TIGD3: variants seen among roughly 807,000 people sequenced by gnomAD.
TIGD3 encodes the protein tigger transposable element derived 3.
Under a neutral mutation model 14.8 loss-of-function variants are expected in TIGD3, and 7 were observed. The observed-to-expected ratio is 0.47, with a 90% CI of 0.27 to 0.89. The LOEUF (loss-of-function observed/expected upper bound fraction) is 0.89, where lower values mean the gene tolerates loss of function less well. TIGD3 is among the 40% of genes least tolerant of loss of function. TIGD3 has a pLI of 0.13. For synonymous variants in TIGD3, 243 were observed against 269.4 expected (o/e 0.90, Z 0.96); for missense variants, 581 against 611.0 (o/e 0.95, Z 0.52).
At position 65,356,128 on chromosome 11, in the gene TIGD3, AG is replaced by A; in HGVS notation, c.322del (p.Glu108SerfsTer57). On this transcript the variant is annotated frameshift_variant, in exon 2 of 2. Transcript: ENST00000309880. LOFTEE classifies it high-confidence loss of function. This position sits in a 1 kb window ranked among gnomAD's most constrained non-coding sequence, Gnocchi z 5.2. Reference protein sequence around the residue: ...VTGPMLLHKAKELADIMGQDF... With the variant: ...VTGPMLLHKAXELADIMGQDF... ...GGGCCCATGCTGCTCCACAAAGCCAAGGAGCTGGCCGATATCATGGGCCAGG... is the reference window on the plus strand; with the variant it reads ...GGGCCCATGCTGCTCCACAAAGCCAAGAGCTGGCCGATATCATGGGCCAGG... 6.2e-7 allele frequency: 1 copy of A among 1,611,796 alleles called. No homozygotes were observed. The highest frequency in any genetic ancestry group is 8.5e-7 in the Non-Finnish European group (1 of 1,180,008).
Position 65,356,335 on chromosome 11 carries a change from C to T in TIGD3, c.527C>T (p.Ala176Val), listed in dbSNP as rs377268847. Residue 176 changes from alanine to valine, a missense_variant, in exon 2 of 2, where the codon GCT (alanine) becomes GTT (valine). By Grantham distance (64) the Ala-to-Val change is moderately conservative. Coordinates refer to ENST00000309880, the MANE Select transcript of TIGD3 (RefSeq NM_145719.3). This position sits in a 1 kb window ranked among gnomAD's most constrained non-coding sequence, Gnocchi z 5.2. The part of the protein sequence containing the change: ...DFSPEDVFGC[A>V]ELPLLYRAVP... ...TCTCCAGAGGACGTGTTTGGCTGTGCTGAATTGCCCTTGCTGTATCGGGCA... is the reference window on the plus strand; with the variant it reads ...TCTCCAGAGGACGTGTTTGGCTGTGTTGAATTGCCCTTGCTGTATCGGGCA... 25 of 1,612,114 alleles carry T rather than the reference C, an allele frequency of 1.6e-5. No homozygotes were observed. Among genetic ancestry groups the T allele is most frequent in the Non-Finnish European group, 2.0e-5 (24 of 1,180,028 alleles).
Position 65,355,960 on chromosome 11 carries a change from A to T in TIGD3, c.152A>T (p.Asn51Ile). ...SQPQISRICK[N>I]KEKLLADWCS... ...CCCCAGATCTCGCGCATCTGCAAGA[A>T]TAAGGAGAAGCTGCTGGCGGACTGG... Residue 51 changes from asparagine to isoleucine, a missense_variant, in exon 2 of 2, where the codon AAT becomes ATT. Coordinates refer to ENST00000309880, the MANE Select transcript of TIGD3 (RefSeq NM_145719.3). The T allele has an allele frequency of 6.2e-7, 1 of 1,613,958 alleles. No homozygotes were observed. The highest frequency in any genetic ancestry group is 2.2e-5 in the East Asian group (1 of 44,886).
Position 65,357,269 on chromosome 11 carries a change from C to G in TIGD3, c.*45C>G. On this transcript the variant is annotated 3_prime_UTR_variant, in exon 2 of 2. Coordinates refer to ENST00000309880, the MANE Select transcript of TIGD3 (RefSeq NM_145719.3). ...CAGAGCCCCTTCCTCTCTTGTTTCCCATGGAAACGGCCTCTTCAGAAGGCA... is the reference window on the plus strand; with the variant it reads ...CAGAGCCCCTTCCTCTCTTGTTTCCGATGGAAACGGCCTCTTCAGAAGGCA... 6.4e-7 allele frequency: 1 copy of G among 1,565,672 alleles called. No individual in the cohort carries two copies. Among genetic ancestry groups the G allele is most frequent in the Non-Finnish European group, 8.7e-7 (1 of 1,143,588 alleles).
rs774526783 is a variant in TIGD3, at chr11:65,356,384, T to C, written c.576T>C (p.Cys192=). ...YRAVPGSFGA[C]DQVQVLLCAN... is the part of the protein sequence containing the mutation. ...CAGTGCCCGGCAGCTTTGGTGCATG[T>C]GATCAAGTACAGGTGCTGCTGTGTG... Residue 192 remains cysteine, a synonymous_variant, in exon 2 of 2, where the codon TGT becomes TGC. Transcript: ENST00000309880. The surrounding 1 kb of genome is among the most constrained non-coding windows in gnomAD (Gnocchi z 5.2). The C allele has an allele frequency of 1.2e-6, 2 of 1,611,092 alleles. No homozygotes were observed. The highest frequency in any genetic ancestry group is 2.2e-5 in the South Asian group (2 of 91,090).
rs1224864861 is a variant in TIGD3, at chr11:65,355,829, G to A, written c.21G>A (p.Lys7=). The change falls in exon 2 of 2, where the codon AAG becomes AAA. Residue 7 remains lysine (K), a synonymous_variant. Transcript: ENST00000309880. Reference sequence around the variant, plus strand: ...AGGCCATGGAGCTGAGCAGCAAGAAGAAGCTTCACGCCCTGTCCCTGGCCG... The same window carrying A: ...AGGCCATGGAGCTGAGCAGCAAGAAAAAGCTTCACGCCCTGTCCCTGGCCG... MELSSK[K]KLHALSLAEK... is the part of the protein sequence containing the mutation. 1.2e-6 allele frequency: 2 copies of A among 1,612,622 alleles called. No individual in the cohort carries two copies. The highest frequency in any genetic ancestry group is 1.7e-6 in the Non-Finnish European group (2 of 1,179,394).
In TIGD3 at chr11:65,357,009, G is replaced by C. The variant is rs1419490328; in HGVS notation, c.1201G>C (p.Glu401Gln). ...EFSRFVDLEGEEPRSGVCKEE... is the reference protein window; with the variant it reads ...EFSRFVDLEGQEPRSGVCKEE... Reference sequence around the variant, plus strand: ...TTCCCGCTTTGTGGACCTGGAGGGTGAGGAGCCAAGGTCTGGAGTATGTAA... The same window carrying C: ...TTCCCGCTTTGTGGACCTGGAGGGTCAGGAGCCAAGGTCTGGAGTATGTAA... The change falls in exon 2 of 2, where the codon GAG (glutamate) becomes CAG (glutamine). Residue 401 changes from glutamate (E) to glutamine (Q), a missense_variant. Physicochemically the swap from Glu to Gln is conservative, Grantham distance 29. Transcript: ENST00000309880. 2 of 1,614,168 alleles carry C rather than the reference G, an allele frequency of 1.2e-6. No individual in the cohort carries two copies. The highest frequency in any genetic ancestry group is 2.2e-5 in the South Asian group (2 of 91,088).
At chr11:65,355,682 C>T (rs1854839268) in intron 1 of TIGD3, 111 bp from the exon 2 acceptor site, 2 of 924,632 alleles carry the variant, frequency 2.2e-6, no homozygotes, top group Non-Finnish European at 3.2e-6. Context: ...GGTCCAGTCT[C>T]ACCCGGTGCC....
At position 65,357,509 on chromosome 11, in the gene TIGD3, C is replaced by A; in HGVS notation, c.*285C>A. 1 of 347,330 alleles carries A rather than the reference C, an allele frequency of 2.9e-6. No homozygotes were observed. 21.5% of individuals were successfully genotyped at this position (347,330 alleles called of 1,614,324 possible). Reference sequence around the variant, plus strand: ...CTTTGAAAGGGAGTTAGTCTAGAGGCAGCCACTTAGAAAGGTGGAATTTGG... The same window carrying A: ...CTTTGAAAGGGAGTTAGTCTAGAGGAAGCCACTTAGAAAGGTGGAATTTGG... On this transcript the variant is annotated 3_prime_UTR_variant, in exon 2 of 2. Coordinates refer to ENST00000309880, the MANE Select transcript of TIGD3 (RefSeq NM_145719.3).
At position 65,357,323 on chromosome 11, in the gene TIGD3, A is replaced by T; in HGVS notation, c.*99A>T. ...CGGGCTGTCTCTTTCCTGTGGAAAT[A>T]GAACTGTCGTAAAGGTGTAGAAGGG... On this transcript the variant is annotated 3_prime_UTR_variant, in exon 2 of 2. Coordinates refer to ENST00000309880, the MANE Select transcript of TIGD3 (RefSeq NM_145719.3). 1 of 1,168,810 alleles carries T rather than the reference A, an allele frequency of 8.6e-7. No individual in the cohort carries two copies. Among genetic ancestry groups the T allele is most frequent in the East Asian group, 2.5e-5 (1 of 39,548 alleles). The allele number at this position is 1,168,810 out of a possible 1,614,324, so 72.4% of individuals were successfully genotyped here.
rs1306880253 is a variant in TIGD3 at position 65,356,566 on chromosome 11, A to C, written c.758A>C (p.Asp253Ala). The C allele has an allele frequency of 1.9e-6, 3 of 1,608,202 alleles. No individual in the cohort carries two copies. In the Admixed American group the frequency reaches 5.0e-5, roughly 27 times the overall value. ...WLEWLAQFDR[D>A]MGQQGRQVAL... ...GAGTGGTTGGCACAGTTTGACCGGG[A>C]CATGGGACAGCAGGGCCGACAGGTG... Residue 253 changes from aspartate to alanine, a missense_variant, in exon 2 of 2, where the codon GAC (aspartate) becomes GCC (alanine). Physicochemically the swap from Asp to Ala is moderately radical, Grantham distance 126 (BLOSUM62 -2). Coordinates refer to ENST00000309880, the MANE Select transcript of TIGD3 (RefSeq NM_145719.3). This position sits in a 1 kb window ranked among gnomAD's most constrained non-coding sequence, Gnocchi z 5.2.
At chr11:65,355,002 C>T (rs1213908783) in intron 1 of TIGD3, 45 bp downstream of exon 1, 1 of 151,874 alleles carries the variant, frequency 6.6e-6, no homozygotes, top group East Asian at 1.9e-4. Flanking sequence ...CCTGGGGCCG[C>T]CCCGCCGACA....
rs757443070 is a variant in TIGD3, at chr11:65,356,826, G to A, written c.1018G>A (p.Ala340Thr). Residue 340 changes from alanine (A) to threonine (T), a missense_variant, in exon 2 of 2, where the codon GCC (alanine) becomes ACC (threonine). By Grantham distance (58) the Ala-to-Thr change is moderately conservative (BLOSUM62 0). Transcript: ENST00000309880. The surrounding 1 kb of genome is among the most constrained non-coding windows in gnomAD (Gnocchi z 5.2). ...CGGGGCAGGCATCACCGTGCTGGACGCCCTGCACGTGGCGTCTGCCGCCTG... is the reference window on the plus strand; with the variant it reads ...CGGGGCAGGCATCACCGTGCTGGACACCCTGCACGTGGCGTCTGCCGCCTG... ...EAGAGITVLD[A>T]LHVASAAWAK... 1 of 1,613,146 alleles carries A rather than the reference G, an allele frequency of 6.2e-7. No individual in the cohort carries two copies. Among genetic ancestry groups the A allele is most frequent in the South Asian group, 1.1e-5 (1 of 91,078 alleles).
In TIGD3 at chr11:65,356,474, C is replaced by G; in HGVS notation, c.666C>G (p.Cys222Trp). The change falls in exon 2 of 2, where the codon TGC becomes TGG. Residue 222 changes from cysteine to tryptophan, a missense_variant. Physicochemically the swap from Cys to Trp is radical, Grantham distance 215. Coordinates refer to ENST00000309880, the MANE Select transcript of TIGD3 (RefSeq NM_145719.3). The surrounding 1 kb of genome is among the most constrained non-coding windows in gnomAD (Gnocchi z 5.2). ...LLGGLQAAPR[C>W]FFGIRSEALP... The stretch of plus-strand genomic sequence containing the variant: ...GTGGGCTCCAGGCTGCCCCGAGATG[C>G]TTCTTTGGGATCCGCAGTGAGGCTC... 6.2e-7 allele frequency: 1 copy of G among 1,607,512 alleles called. No individual in the cohort carries two copies. Among genetic ancestry groups the G allele is most frequent in the Non-Finnish European group, 8.5e-7 (1 of 1,179,950 alleles).
In TIGD3 at chr11:65,357,433, G is replaced by A; in HGVS notation, c.*209G>A. On this transcript the variant is annotated 3_prime_UTR_variant, in exon 2 of 2. Coordinates refer to ENST00000309880, the MANE Select transcript of TIGD3 (RefSeq NM_145719.3). ...GAGCTCTAAAGATGGGGCTTCGGGG[G>A]TAGGAATCCAGGATGCTTAGTTTCT... 1 of 568,920 alleles carries A rather than the reference G, an allele frequency of 1.8e-6. No individual in the cohort carries two copies. Among genetic ancestry groups the A allele is most frequent in the Non-Finnish European group, 3.2e-6 (1 of 314,164 alleles). The allele number at this position is 568,920 out of a possible 1,614,324, so 35.2% of individuals were successfully genotyped here.
intron 1 of TIGD3, among the ~76,000 whole-genome samples, 169 bp downstream of exon 1, chr11:65,355,126 C>A (rs950605966): frequency 6.6e-6 from 1 of 151,780 alleles, no homozygotes; most frequent in Non-Finnish European, 1.5e-5. Context: ...CCACCCTCCC[C>A]GCGGGGACAC....
rs1374822373 is a variant in TIGD3 at position 65,357,105 on chromosome 11, G to A, written c.1297G>A (p.Asp433Asn). 1.9e-6 allele frequency: 3 copies of A among 1,614,006 alleles called. No homozygotes were observed. In the East Asian group the frequency reaches 6.7e-5, roughly 36 times the overall value. The change falls in exon 2 of 2, where the codon GAT (aspartate) becomes AAT (asparagine). Residue 433 changes from aspartate (D) to asparagine (N), a missense_variant. By Grantham distance (23) the Asp-to-Asn change is conservative. Coordinates refer to ENST00000309880, the MANE Select transcript of TIGD3 (RefSeq NM_145719.3). Reference sequence around the variant, plus strand: ...CTTTGAGCCCCTGCCCACCAAAGCTGATGCCCTCCGGGCCCTGGGCACCTT... The same window carrying A: ...CTTTGAGCCCCTGCCCACCAAAGCTAATGCCCTCCGGGCCCTGGGCACCTT... ...GAFEPLPTKA[D>N]ALRALGTLRR...
Position 65,356,015 on chromosome 11 carries a change from G to C in TIGD3, c.207G>C (p.Lys69Asn). The change falls in exon 2 of 2, where the codon AAG becomes AAC. Residue 69 changes from lysine to asparagine, a missense_variant. Physicochemically the swap from Lys to Asn is moderately conservative, Grantham distance 94. Transcript: ENST00000309880. The surrounding 1 kb of genome is among the most constrained non-coding windows in gnomAD (Gnocchi z 5.2). ...WCSGTANRERKRKRESKYSGI... is the reference protein window; with the variant it reads ...WCSGTANRERNRKRESKYSGI... ...GCGGCACAGCCAACCGAGAGCGCAA[G>C]CGCAAGCGGGAGTCCAAGTACAGCG... 3 of 1,613,690 alleles carry C rather than the reference G, an allele frequency of 1.9e-6. No individual in the cohort carries two copies. Among genetic ancestry groups the C allele is most frequent in the Non-Finnish European group, 2.5e-6 (3 of 1,180,046 alleles).
Position 65,356,011 on chromosome 11 carries a change from G to A in TIGD3, c.203G>A (p.Arg68His), listed in dbSNP as rs1854846786. 2 of 1,613,602 alleles carry A rather than the reference G, an allele frequency of 1.2e-6. No homozygotes were observed. Among genetic ancestry groups the A allele is most frequent in the Non-Finnish European group, 8.5e-7 (1 of 1,180,040 alleles). ...TGCAGCGGCACAGCCAACCGAGAGC[G>A]CAAGCGCAAGCGGGAGTCCAAGTAC... is the stretch of plus-strand genomic sequence containing the variant. ...DWCSGTANRE[R>H]KRKRESKYSG... The change falls in exon 2 of 2, where the codon CGC becomes CAC. Residue 68 changes from arginine (R) to histidine (H), a missense_variant. Physicochemically the swap from Arg to His is conservative, Grantham distance 29. Transcript: ENST00000309880. The surrounding 1 kb of genome is among the most constrained non-coding windows in gnomAD (Gnocchi z 5.2).
rs1345560499 is a variant in TIGD3 at position 65,354,882 on chromosome 11, C to G, written c.-92C>G. On this transcript the variant is annotated 5_prime_UTR_variant, in exon 1 of 2. Transcript: ENST00000309880. ...TCGTGGCGCCCATCCCTCCCCTGTT[C>G]TGCTGTCGCCGCCCGGACAGGGGCT... is the stretch of plus-strand genomic sequence containing the variant. The G allele has an allele frequency of 5.3e-5, 8 of 151,896 alleles. No individual in the cohort carries two copies. Among genetic ancestry groups the G allele is most frequent in the Admixed American group, 2.0e-4 (3 of 15,236 alleles). 9.4% of individuals were successfully genotyped at this position (151,896 alleles called of 1,614,324 possible). A position where few individuals can be genotyped will look rare whatever the true frequency, so the allele number is the denominator to read the frequency against.
Sources: allele counts gnomAD v4.1 joint callset (sites outside exome capture counted in the v4.1 genomes callset), GRCh38; gene constraint gnomAD v4.1.1; non-coding constraint Gnocchi (gnomAD v3.1); transcripts MANE v1.5; gene names NCBI Gene and HGNC (gene_info 2026-07-23, HGNC 2026-07-21).